PTPRM: variants seen among roughly 807,000 people sequenced by gnomAD.
PTPRM encodes the protein protein tyrosine phosphatase receptor type M, also known as receptor-type tyrosine-protein phosphatase mu.
A neutral mutation model predicts 186.7 loss-of-function variants in PTPRM; 47 were observed. The ratio of observed to expected loss-of-function variants is 0.25; its 90% CI spans 0.20 to 0.32. PTPRM has a LOEUF of 0.32. Ranked by LOEUF, PTPRM falls within the 10% of genes least tolerant of loss-of-function variation. The pLI is 1.00. For missense variants in PTPRM, 1,494 were observed against 1,865.0 expected, an observed-to-expected ratio of 0.80 and a Z score of 3.66; for synonymous variants, 668 against 674.9, an observed-to-expected ratio of 0.99 and a Z score of 0.16.
intron 1 of PTPRM, among the ~76,000 whole-genome samples, chr18:7,682,844 G>C (rs544999857): frequency 1.3e-5 from 2 of 152,258 alleles, no homozygotes; most frequent in African/African-American, 4.8e-5. Flanking sequence ...CATTGGGGGG[G>C]TGCAAGTTAT....
chr18:7,889,337 T>C (rs79602787), intron 3 of PTPRM, among the ~76,000 whole-genome samples: 63 of 63,468 alleles, frequency 9.9e-4, no homozygotes, highest in African/African-American at 1.2e-3. Context: ...TTCTTTCTTT[T>C]TTTTTTTTTT....
intron 22 of PTPRM, among the ~76,000 whole-genome samples, chr18:8,334,166 T>C (rs956856009): frequency 6.6e-6 from 1 of 152,202 alleles, no homozygotes; most frequent in African/African-American, 2.4e-5. Flanking sequence ...GCCATCTAGT[T>C]GTACCTATTT....
At chr18:8,106,462 G>A (rs981681835) in intron 11 of PTPRM, among the ~76,000 whole-genome samples, 2 of 152,198 alleles carry the variant, frequency 1.3e-5, no homozygotes, top group Non-Finnish European at 2.9e-5. Context: ...GATGCTAGAA[G>A]AGATTTTAAC....
intron 11 of PTPRM, among the ~76,000 whole-genome samples, chr18:8,112,708 C>T (rs150984796): frequency 2.0e-5 from 3 of 152,270 alleles, no homozygotes. Flanking sequence ...CTGCCATTCT[C>T]CTGAGGTTAC....
chr18:8,378,315 G>C lies in PTPRM; in HGVS notation c.3513G>C (p.Gly1171=). The C allele has an allele frequency of 6.2e-7, 1 of 1,612,784 alleles. No individual in the cohort carries two copies. The highest frequency in any genetic ancestry group is 1.7e-5 in the Admixed American group (1 of 60,020). Residue 1171 remains glycine, a synonymous_variant, in exon 27 of 33, where the codon GGG becomes GGC. Transcript: ENST00000580170. ...CGATCCTGGAAGCCTGTCTTTGTGGGGACACCTCTGTGCCTGCTTCCCAAG... is the reference window on the plus strand; with the variant it reads ...CGATCCTGGAAGCCTGTCTTTGTGGCGACACCTCTGTGCCTGCTTCCCAAG... ...HDAILEACLC[G]DTSVPASQVR... is the part of the protein sequence containing the mutation.
chr18:8,118,811 A>ATATATATAT (rs1555749530), intron 13 of PTPRM, among the ~76,000 whole-genome samples: 85 of 128,348 alleles, frequency 6.6e-4, no homozygotes, highest in African/African-American at 2.3e-3. Context: ...AAAAAAAAAA[A>ATATATATAT]ATATATATAT....
chr18:8,151,455 C>T (rs1256907586), intron 14 of PTPRM, among the ~76,000 whole-genome samples: 11 of 151,312 alleles, frequency 7.3e-5, no homozygotes, highest in Admixed American at 7.2e-4. Flanking sequence ...CAAGCCTCAG[C>T]AATGGCAGGC....
At chr18:7,669,115 G>C (rs569372206) in intron 1 of PTPRM, among the ~76,000 whole-genome samples, 11 of 152,108 alleles carry the variant, frequency 7.2e-5, no homozygotes, top group African/African-American at 2.7e-4. Context: ...GACCAGTGTG[G>C]GTTTCCAGTT....
chr18:7,964,368 A>G (rs934377421), intron 7 of PTPRM, among the ~76,000 whole-genome samples: 1 of 152,226 alleles, frequency 6.6e-6, no homozygotes, highest in African/African-American at 2.4e-5. Flanking sequence ...TGGTTCTGGC[A>G]CAAATAGCTA....
chr18:7,850,931 A>G (rs1292682620), intron 2 of PTPRM, among the ~76,000 whole-genome samples: 1 of 152,240 alleles, frequency 6.6e-6, no homozygotes, highest in Non-Finnish European at 1.5e-5. Flanking sequence ...AGAGTTATTT[A>G]ACTTCAATAT....
chr18:7,726,252 A>G (rs777489571), intron 1 of PTPRM, among the ~76,000 whole-genome samples: 1 of 151,836 alleles, frequency 6.6e-6, no homozygotes, highest in Non-Finnish European at 1.5e-5. Context: ...AATGATGAGC[A>G]TCTTTTTTTG....
At chr18:7,605,181 T>TAA (rs11373997) in intron 1 of PTPRM, among the ~76,000 whole-genome samples, 2 of 152,064 alleles carry the variant, frequency 1.3e-5, no homozygotes, top group East Asian at 1.9e-4. Context: ...CTGATGAGCT[T>TAA]AAAAAAATCA....
chr18:8,051,502 T>G (rs2087496411), intron 7 of PTPRM, among the ~76,000 whole-genome samples: 1 of 152,226 alleles, frequency 6.6e-6, no homozygotes, highest in Admixed American at 6.5e-5. Flanking sequence ...TTTCCTTTGC[T>G]CTTCTCTTAC....
intron 14 of PTPRM, among the ~76,000 whole-genome samples, chr18:8,242,106 G>A (rs569518127): frequency 2.3e-4 from 35 of 152,206 alleles, no homozygotes; most frequent in Non-Finnish European, 4.4e-4. Context: ...TAACCTTTAG[G>A]ATTAGAGGAA....
chr18:7,765,034 G>A lies in PTPRM; in HGVS notation c.74-9115G>A, dbSNP rs537669508. Among the ~76,000 whole-genome samples the A allele has an allele frequency of 1.6e-3, 243 of 152,260 alleles. 1 individual carries two copies. The highest frequency in any genetic ancestry group is 5.5e-3 in the African/African-American group (229 of 41,546). ...TCTATGAGGTGTTTATTTGTATGTG[G>A]AAAAATTGAGATAGTCAAGTTCCTA... On this transcript the variant is annotated intron_variant, in intron 1 of 32. Coordinates refer to ENST00000580170, the MANE Select transcript of PTPRM (RefSeq NM_001105244.2).
chr18:7,703,309 G>A lies in PTPRM; in HGVS notation c.74-70840G>A, dbSNP rs534661064. Among the ~76,000 whole-genome samples, 240 of 152,254 alleles carry A rather than the reference G, an allele frequency of 1.6e-3. 1 individual carries two copies. Among genetic ancestry groups the A allele is most frequent in the African/African-American group, 5.5e-3 (227 of 41,578 alleles). On this transcript the variant is annotated intron_variant, in intron 1 of 32. Coordinates refer to ENST00000580170, the MANE Select transcript of PTPRM (RefSeq NM_001105244.2). ...GATTCTTCCCATCCATGATGAGCAT[G>A]GAATGTTTTTCCATTTTTTGTGTCC... is the stretch of plus-strand genomic sequence containing the variant.
intron 1 of PTPRM, among the ~76,000 whole-genome samples, chr18:7,594,863 G>C (rs1284078679): frequency 6.6e-6 from 1 of 152,156 alleles, no homozygotes; most frequent in Non-Finnish European, 1.5e-5. Context: ...TAACTGATTT[G>C]ATTTAGAAAC....
At chr18:7,845,151 C>T (rs898172987) in intron 2 of PTPRM, among the ~76,000 whole-genome samples, 2 of 152,114 alleles carry the variant, frequency 1.3e-5, no homozygotes, top group Admixed American at 6.6e-5. Flanking sequence ...ATAGTGTACC[C>T]TCAGCTTTTA....
chr18:8,401,084 C>G (rs1161167518), intron 32 of PTPRM, among the ~76,000 whole-genome samples: 1 of 152,052 alleles, frequency 6.6e-6, no homozygotes, highest in Non-Finnish European at 1.5e-5. Context: ...GCCCCCTACA[C>G]TCAGCACCAG....
Sources: gnomAD v4.1 joint callset for allele counts (sites outside exome capture counted in the v4.1 genomes callset) on GRCh38, gnomAD v4.1.1 for gene constraint, MANE v1.5 for transcripts, NCBI Gene and HGNC (gene_info 2026-07-23, HGNC 2026-07-21) for gene names.